DNAI7: variants seen among roughly 807,000 people sequenced by gnomAD.
DNAI7 encodes the protein dynein axonemal intermediate chain 7.
In DNAI7, 78 loss-of-function variants were observed where a neutral mutation model predicts 86.6. The ratio of observed to expected loss-of-function variants is 0.90; its 90% CI spans 0.75 to 1.09. DNAI7 has a LOEUF of 1.09. Among genes scored for constraint, DNAI7 ranks in the 50% least tolerant of loss-of-function variants. The pLI is 0.00. For missense variants in DNAI7, 753 were observed against 810.2 expected (o/e 0.93, Z 0.86); for synonymous variants, 274 against 273.0 (o/e 1.00, Z -0.04).
At chr12:25,124,399 G>A (rs1056777396) in intron 9 of DNAI7, among the ~76,000 whole-genome samples, 1 of 151,988 alleles carries the variant, frequency 6.6e-6, no homozygotes, top group African/African-American at 2.4e-5. Context: ...TAGTGGCATT[G>A]CTAGACACTG....
rs201124043 is a variant in DNAI7, at chr12:25,174,749, C to CAT, written c.22-13554_22-13553dup. ...TCATATATATATGGAATATATATAT[C>CAT]ATATATATATATGATGGAATACTAC... On this transcript the variant is annotated intron_variant, in intron 2 of 15. Coordinates refer to ENST00000395987, the MANE Select transcript of DNAI7 (RefSeq NM_018272.5). Among the ~76,000 whole-genome samples, 350 of 138,686 alleles carry CAT rather than the reference C, an allele frequency of 2.5e-3. 3 individuals carry two copies. Among genetic ancestry groups the CAT allele is most frequent in the African/African-American group, 9.1e-3 (332 of 36,568 alleles). 91.0% of individuals were successfully genotyped at this position (138,686 alleles called of 152,430 possible). A position where few individuals can be genotyped will look rare whatever the true frequency, so the allele number is the denominator to read the frequency against.
chr12:25,129,211 T>A (rs1316876140), intron 9 of DNAI7, among the ~76,000 whole-genome samples: 1 of 152,248 alleles, frequency 6.6e-6, no homozygotes, highest in African/African-American at 2.4e-5. Flanking sequence ...CTACCCAATG[T>A]AAAGTCACTC....
intron 13 of DNAI7, among the ~76,000 whole-genome samples, chr12:25,114,269 T>C (rs370301826): frequency 6.6e-6 from 1 of 152,168 alleles, no homozygotes; most frequent in African/African-American, 2.4e-5. Flanking sequence ...TGATGAGCAA[T>C]AGGGGATCAT....
chr12:25,125,732 A>T (rs1321902458), intron 9 of DNAI7, among the ~76,000 whole-genome samples: 2 of 152,038 alleles, frequency 1.3e-5, no homozygotes, highest in Non-Finnish European at 2.9e-5. Flanking sequence ...CAGGGTTTTT[A>T]TAATTTTGGG....
intron 2 of DNAI7, chr12:25,185,806 A>G (rs965158424): frequency 8.2e-6 from 8 of 975,256 alleles, no homozygotes; most frequent in Middle Eastern, 5.2e-4. Flanking sequence ...AATAGAATTT[A>G]AAGTACAGAC....
intron 2 of DNAI7, among the ~76,000 whole-genome samples, chr12:25,168,687 C>A (rs931662962): frequency 6.6e-6 from 1 of 152,076 alleles, no homozygotes; most frequent in Non-Finnish European, 1.5e-5. Context: ...ACATAAAAAA[C>A]TCAAGGATAG....
At chr12:25,130,732 G>GA (rs993006368) in intron 9 of DNAI7, among the ~76,000 whole-genome samples, 7 of 151,770 alleles carry the variant, frequency 4.6e-5, no homozygotes, top group East Asian at 1.9e-4. Flanking sequence ...ATTCTCATTA[G>GA]AAAAAAAATT....
intron 9 of DNAI7, among the ~76,000 whole-genome samples, chr12:25,128,245 A>C (rs1005598883): frequency 6.6e-6 from 1 of 152,248 alleles, no homozygotes; most frequent in South Asian, 2.1e-4. Context: ...TTTTTCATCA[A>C]AAGATAATTT....
chr12:25,191,927 TAA>T (rs1033247059), intron 1 of DNAI7, among the ~76,000 whole-genome samples: 104 of 152,308 alleles, frequency 6.8e-4, no homozygotes, highest in African/African-American at 2.4e-3. Flanking sequence ...CATGTGAACA[TAA>T]GACACTTTAC....
chr12:25,134,353 T>A (rs112217715), intron 9 of DNAI7, among the ~76,000 whole-genome samples: 3 of 988 alleles, frequency 3.0e-3, no homozygotes, highest in African/African-American at 0.018. Context: ...CTTGGCGTAC[T>A]TTTTTTTTTT....
In DNAI7 at chr12:25,144,490, T is replaced by C. The variant is rs1944579037; in HGVS notation, c.877A>G (p.Asn293Asp). 7 of 1,614,164 alleles carry C rather than the reference T, an allele frequency of 4.3e-6. No individual in the cohort carries two copies. The highest frequency in any genetic ancestry group is 5.9e-6 in the Non-Finnish European group (7 of 1,180,006). Residue 293 changes from asparagine to aspartate, a missense_variant, in exon 9 of 16, where the codon AAT becomes GAT. Coordinates refer to ENST00000395987, the MANE Select transcript of DNAI7 (RefSeq NM_018272.5). ...VTELVKDDVK[N>D]VEKAISKEVE... ...TCCTTGCTGATTGCTTTTTCTACATTCTTAACATCATCTTTGACAAGCTCA... is the reference window on the plus strand; with the variant it reads ...TCCTTGCTGATTGCTTTTTCTACATCCTTAACATCATCTTTGACAAGCTCA...
chr12:25,153,507 C>T (rs892704378), intron 6 of DNAI7, among the ~76,000 whole-genome samples: 2 of 152,098 alleles, frequency 1.3e-5, no homozygotes, highest in Admixed American at 1.3e-4. Flanking sequence ...ATAAGCCAAA[C>T]GCATCTTATC....
At chr12:25,120,342 G>GAGAGAGAGAGAGAGAGAGAGA in intron 11 of DNAI7, among the ~76,000 whole-genome samples, 388 of 137,636 alleles carry the variant, frequency 2.8e-3, no homozygotes, top group South Asian at 5.5e-3. Flanking sequence ...GAGAGAGAGA[G>GAGAGAGAGAGAGAGAGAGAGA]GAAGGAAGGG....
chr12:25,173,857 G>A lies in DNAI7; in HGVS notation c.22-12660C>T, dbSNP rs117215472. On this transcript the variant is annotated intron_variant, in intron 2 of 15. Coordinates refer to ENST00000395987, the MANE Select transcript of DNAI7 (RefSeq NM_018272.5). ...CACATCATATATATATACATCATAT[G>A]TATACCACATCATATATATATACAC... Among the ~76,000 whole-genome samples the A allele has an allele frequency of 7.2e-3, 913 of 127,242 alleles. 11 individuals are homozygous for A. Among genetic ancestry groups the A allele is most frequent in the African/African-American group, 0.027 (851 of 31,712 alleles). 83.5% of individuals were successfully genotyped at this position (127,242 alleles called of 152,430 possible).
At chr12:25,149,838 G>T in intron 6 of DNAI7, 64 bp from the exon 7 acceptor site, 1 of 1,015,070 alleles carries the variant, frequency 9.9e-7, no homozygotes, top group Non-Finnish European at 1.5e-6. Context: ...GTGAAAAAGG[G>T]AATGTTTTAT....
In DNAI7 at chr12:25,195,118, G is replaced by A. The variant is rs749614134; in HGVS notation, c.-40C>T. 1.2e-6 allele frequency: 2 copies of A among 1,606,956 alleles called. No homozygotes were observed. Among genetic ancestry groups the A allele is most frequent in the Non-Finnish European group, 8.5e-7 (1 of 1,173,564 alleles). On this transcript the variant is annotated 5_prime_UTR_variant, in exon 1 of 16. Transcript: ENST00000395987. ...CACTGCAGTAGTCCGCAGAGTCGGA[G>A]CAGAAATTGTGTGGACAAACGCTCC...
intron 11 of DNAI7, among the ~76,000 whole-genome samples, chr12:25,120,566 C>CA (rs71065906): frequency 0.68 from 100,116 of 147,586 alleles, 37,737 homozygotes; most frequent in East Asian, 0.99. Context: ...ACTAAAAATA[C>CA]AAAAAAAAAA....
At chr12:25,110,340 A>G in intron 14 of DNAI7, 100 bp from the exon 15 acceptor site, 1 of 684,688 alleles carries the variant, frequency 1.5e-6, no homozygotes, top group Non-Finnish European at 2.6e-6. Context: ...AGACGGATCC[A>G]CTTAAAATTG....
chr12:25,163,250 CCT>C (rs1198906993), intron 2 of DNAI7, among the ~76,000 whole-genome samples: 7 of 152,182 alleles, frequency 4.6e-5, no homozygotes, highest in Non-Finnish European at 8.8e-5. Flanking sequence ...CATCATATCC[CCT>C]GTGACCTGCA....
Sources: gnomAD v4.1 joint callset for allele counts (sites outside exome capture counted in the v4.1 genomes callset) on GRCh38, gnomAD v4.1.1 for gene constraint, MANE v1.5 for transcripts, NCBI Gene and HGNC (gene_info 2026-07-23, HGNC 2026-07-21) for gene names.